AQP7: variants seen among roughly 807,000 people sequenced by gnomAD.
AQP7 encodes aquaporin-7.
AQP7 carries 22 observed loss-of-function variants against 26.1 expected under a neutral mutation model. That is an observed-to-expected ratio of 0.84 (90% confidence interval 0.60 to 1.20). The LOEUF (loss-of-function observed/expected upper bound fraction) is 1.20, where lower values mean the gene tolerates loss of function less well. AQP7 is among the 50% of genes most tolerant of loss of function. AQP7 has a pLI of 0.00. For synonymous variants in AQP7, 167 were observed against 181.7 expected, an observed-to-expected ratio of 0.92 and a Z score of 0.65; for missense variants, 412 against 457.5, an observed-to-expected ratio of 0.90 and a Z score of 0.91.
At chr9:33,397,408 G>A (rs1486237818) in intron 2 of AQP7, among the ~76,000 whole-genome samples, 2 of 152,086 alleles carry the variant, frequency 1.3e-5, no homozygotes, top group Non-Finnish European at 2.9e-5. Flanking sequence ...CAGGGCTGAG[G>A]AGGCTGCTCA....
intron 3 of AQP7, among the ~76,000 whole-genome samples, chr9:33,388,485 C>T (rs1388296627): frequency 6.6e-6 from 1 of 152,204 alleles, no homozygotes; most frequent in Non-Finnish European, 1.5e-5. Context: ...CTCAGTAGGC[C>T]ACCATTGAAG....
intron 4 of AQP7, 118 bp downstream of exon 4, chr9:33,386,851 C>T: frequency 6.8e-7 from 1 of 1,466,794 alleles, no homozygotes; most frequent in Non-Finnish European, 9.3e-7. Flanking sequence ...TTCCTCCCGC[C>T]CGGTGGCCAG....
rs1824565540 is a variant in AQP7 at position 33,384,533 on chromosome 9, G to A, written c.*472C>T. The stretch of plus-strand genomic sequence containing the variant: ...CTAGGGAAGGAACTAATGAAAAAAA[G>A]GCTAAAAAATTCTGATCTACATTCT... On this transcript the variant is annotated 3_prime_UTR_variant, in exon 8 of 8. Transcript: ENST00000297988. 1.3e-5 allele frequency: 2 copies of A among 153,782 alleles called. No homozygotes were observed. The highest frequency in any genetic ancestry group is 1.3e-4 in the Admixed American group (2 of 15,352). 9.5% of individuals were successfully genotyped at this position (153,782 alleles called of 1,614,324 possible).
At chr9:33,395,784 T>G (rs1472668099) in intron 2 of AQP7, among the ~76,000 whole-genome samples, 1 of 152,052 alleles carries the variant, frequency 6.6e-6, no homozygotes, top group Non-Finnish European at 1.5e-5. Flanking sequence ...ACCAGGTCAG[T>G]GCAAACAGAG....
chr9:33,402,188 G>C (rs1244490221), intron 1 of AQP7, among the ~76,000 whole-genome samples, 185 bp downstream of exon 1: 1 of 152,160 alleles, frequency 6.6e-6, no homozygotes, highest in Non-Finnish European at 1.5e-5. Flanking sequence ...GTATGTGCCT[G>C]TGTCACACAG....
rs767860854 is a variant in AQP7 at position 33,395,144 on chromosome 9, C to A, written c.78G>T (p.Gln26His). The change falls in exon 3 of 8, where the codon CAG becomes CAT. Residue 26 changes from glutamine to histidine, a missense_variant. Gln to His is a conservative substitution (Grantham distance 24). Coordinates refer to ENST00000297988, the MANE Select transcript of AQP7 (RefSeq NM_001170.3). ...MVSWSVIAKIQEILQRKMVRE... is the reference protein window; with the variant it reads ...MVSWSVIAKIHEILQRKMVRE... The stretch of plus-strand genomic sequence containing the variant: ...GCACCATCTTCCTCTGCAGTATTTC[C>A]TGGATCTTTGCTATCACGGACCAGG... The A allele has an allele frequency of 6.2e-7, 1 of 1,613,892 alleles. No homozygotes were observed. The highest frequency in any genetic ancestry group is 1.3e-5 in the African/African-American group (1 of 74,940).
chr9:33,385,596 C>A (rs1824676213), intron 7 of AQP7, 53 bp downstream of exon 7: 2 of 1,598,390 alleles, frequency 1.3e-6, no homozygotes, highest in African/African-American at 1.3e-5. Flanking sequence ...CCCCTCAACA[C>A]ACAGGGGACC....
chr9:33,399,519 T>G (rs1022516585), intron 2 of AQP7, among the ~76,000 whole-genome samples: 1 of 151,694 alleles, frequency 6.6e-6, no homozygotes, highest in African/African-American at 2.4e-5. Flanking sequence ...GAGAATCGCT[T>G]GAACCCAAGA....
chr9:33,385,639 G>T lies in AQP7; in HGVS notation c.743+10C>A. On this transcript the variant is annotated intron_variant, in intron 7 of 7. Coordinates refer to ENST00000297988, the MANE Select transcript of AQP7 (RefSeq NM_001170.3). ...AAACTCAAAGGAATGGGCCTGGGCA[G>T]GGGCAGTACCTGAAGACCTGTTTGC... is the stretch of plus-strand genomic sequence containing the variant. 4 of 1,613,132 alleles carry T rather than the reference G, an allele frequency of 2.5e-6. No homozygotes were observed. In the South Asian group the frequency reaches 4.4e-5, roughly 18 times the overall value.
chr9:33,392,513 G>T (rs987010029), intron 3 of AQP7, among the ~76,000 whole-genome samples: 7 of 152,082 alleles, frequency 4.6e-5, no homozygotes, highest in African/African-American at 1.7e-4. Flanking sequence ...GGATGCATTA[G>T]GTGCTCAATG....
At chr9:33,388,911 C>T (rs1204141534) in intron 3 of AQP7, among the ~76,000 whole-genome samples, 1 of 152,200 alleles carries the variant, frequency 6.6e-6, no homozygotes, top group Non-Finnish European at 1.5e-5. Context: ...GGCTGGAGTG[C>T]AGTGCCATGA....
At position 33,385,231 on chromosome 9, in the gene AQP7, C is replaced by A. The variant is rs561584740; in HGVS notation, c.803G>T (p.Gly268Val). The change falls in exon 8 of 8, where the codon GGT becomes GTT. Residue 268 changes from glycine to valine, a missense_variant. Gly to Val is a moderately radical substitution (Grantham distance 109). Transcript: ENST00000297988. ...VVAPLLGAYL[G>V]GIIYLVFIGS... ...AATGAAGACCAGGTAGATGATGCCACCTAGATAGGCACCCAGAAGTGGTGC... is the reference window on the plus strand; with the variant it reads ...AATGAAGACCAGGTAGATGATGCCAACTAGATAGGCACCCAGAAGTGGTGC... The A allele has an allele frequency of 3.7e-6, 6 of 1,611,752 alleles. No homozygotes were observed. The East Asian group carries it at 1.1e-4, about 30-fold the overall frequency.
At chr9:33,392,239 G>A (rs1825473581) in intron 3 of AQP7, among the ~76,000 whole-genome samples, 3 of 151,912 alleles carry the variant, frequency 2.0e-5, no homozygotes, top group Admixed American at 1.3e-4. Context: ...GCTTGAACCC[G>A]GGAGATGGAG....
chr9:33,390,088 C>G (rs1204324971), intron 3 of AQP7, among the ~76,000 whole-genome samples: 1 of 151,804 alleles, frequency 6.6e-6, no homozygotes, highest in East Asian at 1.9e-4. Context: ...GTGTAGACTC[C>G]TCTTCGAGAA....
chr9:33,389,297 G>A (rs558138609), intron 3 of AQP7, among the ~76,000 whole-genome samples: 64 of 152,224 alleles, frequency 4.2e-4, no homozygotes, highest in African/African-American at 1.5e-3. Context: ...CCAAAGTCCT[G>A]GGATTACAGG....
intron 3 of AQP7, among the ~76,000 whole-genome samples, 191 bp from the exon 4 acceptor site, chr9:33,387,283 G>T (rs1824934858): frequency 6.6e-6 from 1 of 152,036 alleles, no homozygotes; most frequent in South Asian, 2.1e-4. Context: ...CCCTGCTGAG[G>T]CCTCTCAGAC....
At chr9:33,399,268 A>G (rs1011156038) in intron 2 of AQP7, among the ~76,000 whole-genome samples, 11 of 152,228 alleles carry the variant, frequency 7.2e-5, no homozygotes, top group African/African-American at 2.6e-4. Flanking sequence ...CGAGCCAACA[A>G]TTCAACCTGC....
Position 33,395,063 on chromosome 9 carries a change from T to C in AQP7, c.144+15A>G. On this transcript the variant is annotated intron_variant, in intron 3 of 7. Coordinates refer to ENST00000297988, the MANE Select transcript of AQP7 (RefSeq NM_001170.3). ...TGGCGGAGCCCCACCCACTTCGTGCTGCCCACCCACTCACCATCATGACAT... is the reference window on the plus strand; with the variant it reads ...TGGCGGAGCCCCACCCACTTCGTGCCGCCCACCCACTCACCATCATGACAT... 1 of 1,604,734 alleles carries C rather than the reference T, an allele frequency of 6.2e-7. No homozygotes were observed. The highest frequency in any genetic ancestry group is 8.5e-7 in the Non-Finnish European group (1 of 1,171,722).
intron 2 of AQP7, among the ~76,000 whole-genome samples, chr9:33,398,694 G>T (rs537527499): frequency 2.0e-5 from 3 of 152,268 alleles, no homozygotes; most frequent in African/African-American, 7.2e-5. Context: ...TGAGGAGCCC[G>T]CTAGACACTT....
Sources: allele counts gnomAD v4.1 joint callset (sites outside exome capture counted in the v4.1 genomes callset), GRCh38; gene constraint gnomAD v4.1.1; transcripts MANE v1.5; gene names NCBI Gene and HGNC (gene_info 2026-07-23, HGNC 2026-07-21).